The following LRTM3 variants were observed in gnomAD, a reference collection of about 807,000 sequenced individuals.
The protein encoded by LRTM3 is leucine-rich repeat transmembrane protein 3.
chr13:102,758,655 C>G, the LRTM3 span: 1 of 1,513,282 alleles, frequency 6.6e-7, no homozygotes, highest in Non-Finnish European at 8.9e-7. Flanking sequence ...ATTCTTATGT[C>G]TGATTTTGAA....
At chr13:102,752,793 A>G in the LRTM3 span, among the ~76,000 whole-genome samples, 4 of 152,214 alleles carry the variant, frequency 2.6e-5, no homozygotes, top group African/African-American at 9.6e-5. Context: ...ATAGGCTATT[A>G]AAGTTAAATG....
At chr13:102,738,355 T>C in the LRTM3 span, 31 of 1,550,932 alleles carry the variant, frequency 2.0e-5, no homozygotes, top group East Asian at 6.8e-4. Flanking sequence ...GAAGATAGTA[T>C]CTTGTTATTT....
the LRTM3 span, chr13:102,746,484 CTTTAG>C: frequency 6.4e-7 from 1 of 1,550,560 alleles, no homozygotes; most frequent in African/African-American, 1.4e-5. Flanking sequence ...GGTACCAATC[CTTTAG>C]TTTGGTTTAT....
the LRTM3 span, chr13:102,740,359 A>T: frequency 0.11 from 176,274 of 1,550,118 alleles, 10,763 homozygotes; most frequent in South Asian, 0.17. Context: ...TGCTTAGCTG[A>T]TCTGCAGAAA....
chr13:102,735,384 A>G, the LRTM3 span: 1 of 1,551,248 alleles, frequency 6.4e-7, no homozygotes, highest in East Asian at 2.4e-5. Flanking sequence ...TTGGACCGTG[A>G]CTGTGGGAGA....
the LRTM3 span, chr13:102,734,126 G>A: frequency 9.0e-5 from 140 of 1,551,244 alleles, no homozygotes; most frequent in Non-Finnish European, 1.7e-5. Context: ...TAATTCCTTT[G>A]CATTAAGGAT....
At chr13:102,733,272 A>T in the LRTM3 span, 5 of 1,551,152 alleles carry the variant, frequency 3.2e-6, no homozygotes, top group African/African-American at 1.4e-5. Flanking sequence ...TTTTTGAGTG[A>T]TCCCTTTGTC....
chr13:102,739,882 C>T, the LRTM3 span: 6 of 1,550,080 alleles, frequency 3.9e-6, no homozygotes, highest in Non-Finnish European at 5.2e-6. Context: ...TTTTGTCTGT[C>T]ATGTTCCACT....
the LRTM3 span, chr13:102,743,310 CTGTT>C: frequency 1.4e-5 from 21 of 1,550,280 alleles, no homozygotes; most frequent in East Asian, 7.3e-5. Context: ...ATGTCTATCT[CTGTT>C]TGGAATCCAC....
the LRTM3 span, chr13:102,758,314 C>A: frequency 2.7e-6 from 2 of 745,550 alleles, no homozygotes; most frequent in Non-Finnish European, 2.2e-6. Context: ...GCTAGGAAAA[C>A]CCTTCTCTGA....
At chr13:102,744,034 A>T in the LRTM3 span, 1 of 1,550,506 alleles carries the variant, frequency 6.4e-7, no homozygotes. Flanking sequence ...AGAGTTTATC[A>T]ATCATTGATT....
the LRTM3 span, chr13:102,734,426 T>A: frequency 6.4e-7 from 1 of 1,551,416 alleles, no homozygotes; most frequent in Non-Finnish European, 8.7e-7. Context: ...CATTTTTCTT[T>A]GAATCATACC....
chr13:102,745,015 TA>T, the LRTM3 span: 1 of 1,550,882 alleles, frequency 6.4e-7, no homozygotes, highest in Non-Finnish European at 8.7e-7. Context: ...GTTTTGAATT[TA>T]CTGTACATAT....
At chr13:102,738,406 T>C in the LRTM3 span, 1 of 1,550,890 alleles carries the variant, frequency 6.4e-7, no homozygotes, top group Non-Finnish European at 8.7e-7. Context: ...TATCCAGTTG[T>C]AAATGAGAAG....
At chr13:102,743,820 T>C in the LRTM3 span, 1 of 1,550,396 alleles carries the variant, frequency 6.4e-7, no homozygotes, top group Non-Finnish European at 8.7e-7. Flanking sequence ...CATTTGGCAT[T>C]GAATATAATT....
chr13:102,732,943 C>T, the LRTM3 span: 128 of 1,551,336 alleles, frequency 8.3e-5, no homozygotes, highest in African/African-American at 1.1e-4. Context: ...ATAGGGACTT[C>T]GGAAGAAATT....
At chr13:102,747,254 A>C in the LRTM3 span, 1 of 1,549,866 alleles carries the variant, frequency 6.5e-7, no homozygotes, top group Admixed American at 2.0e-5. Context: ...AGTATTAGGC[A>C]AAATAGACAT....
the LRTM3 span, chr13:102,742,850 C>T: frequency 6.4e-7 from 1 of 1,550,682 alleles, no homozygotes; most frequent in Non-Finnish European, 8.7e-7. Flanking sequence ...AACAGAATGG[C>T]CAATGTTCTG....
At chr13:102,735,923 T>G in the LRTM3 span, 20 of 1,541,616 alleles carry the variant, frequency 1.3e-5, no homozygotes, top group Non-Finnish European at 1.7e-5. Context: ...TCCTTCCCCT[T>G]GCTCTTCAAT....
Sources: allele counts gnomAD v4.1 joint callset (sites outside exome capture counted in the v4.1 genomes callset), GRCh38; gene constraint gnomAD v4.1.1; transcripts MANE v1.5; gene names NCBI Gene and HGNC (gene_info 2026-07-23, HGNC 2026-07-21).